STARD13: variants seen among roughly 807,000 people sequenced by gnomAD.
STARD13 encodes the protein StAR related lipid transfer domain containing 13, also known as stAR-related lipid transfer protein 13.
STARD13 carries 62 observed loss-of-function variants against 106.4 expected under a neutral mutation model. The observed-to-expected ratio is 0.58, with a 90% confidence interval of 0.48 to 0.72. The LOEUF is 0.72. Ranked by LOEUF, STARD13 falls within the 30% of genes least tolerant of loss-of-function variation. The pLI, the probability that STARD13 is intolerant of heterozygous loss-of-function variation, is 0.00. For synonymous variants in STARD13, 565 were observed against 553.0 expected (o/e 1.02, Z -0.31); for missense variants, 1,387 against 1,424.0 (o/e 0.97, Z 0.42).
chr13:33,399,007 G>T, the STARD13 span, among the ~76,000 whole-genome samples: 6 of 152,092 alleles, frequency 3.9e-5, no homozygotes, highest in Non-Finnish European at 7.4e-5. Flanking sequence ...CTGTCAACAG[G>T]TGAGTAAATA....
chr13:33,270,229 C>T (rs1025355181), intron 1 of STARD13, among the ~76,000 whole-genome samples: 18 of 152,028 alleles, frequency 1.2e-4, no homozygotes, highest in Admixed American at 3.9e-4. Context: ...GAGTGAGACT[C>T]GGCCTAAAAC....
chr13:33,181,430 TC>T (rs1192346197), intron 1 of STARD13, among the ~76,000 whole-genome samples: 1 of 152,220 alleles, frequency 6.6e-6, no homozygotes, highest in African/African-American at 2.4e-5. Flanking sequence ...CCAGATTGCA[TC>T]TTTACATCTC....
the STARD13 span, among the ~76,000 whole-genome samples, chr13:33,362,148 G>A: frequency 6.6e-6 from 1 of 152,116 alleles, no homozygotes; most frequent in Non-Finnish European, 1.5e-5. Flanking sequence ...TGTTCTGCAG[G>A]CTGTACAAGC....
At chr13:33,530,144 T>G in the STARD13 span, among the ~76,000 whole-genome samples, 11 of 152,068 alleles carry the variant, frequency 7.2e-5, no homozygotes, top group Non-Finnish European at 1.6e-4. Context: ...TGAATGCTTC[T>G]TCAACACCTT....
rs765490015 is a variant in STARD13, at chr13:33,106,936, T to C, written c.3048-2A>G. On this transcript the variant is annotated splice_acceptor_variant, in intron 12 of 13. Coordinates refer to ENST00000336934, the MANE Select transcript of STARD13 (RefSeq NM_178006.4). LOFTEE classifies it high-confidence loss of function. ...TTGGGCAAATCAGTTTTCCAGGTCC[T>C]GTAGCAAAACAATCCGCACATCAGA... 5 of 1,611,046 alleles carry C rather than the reference T, an allele frequency of 3.1e-6. No individual in the cohort carries two copies. Among genetic ancestry groups the C allele is most frequent in the South Asian group, 1.1e-5 (1 of 90,516 alleles).
chr13:33,236,312 C>G (rs1244746649), intron 1 of STARD13, among the ~76,000 whole-genome samples: 1 of 152,208 alleles, frequency 6.6e-6, no homozygotes, highest in Non-Finnish European at 1.5e-5. Flanking sequence ...TGGTAGCAAG[C>G]AGGACCCTCC....
At chr13:33,412,511 CTAAT>C in the STARD13 span, among the ~76,000 whole-genome samples, 1 of 152,058 alleles carries the variant, frequency 6.6e-6, no homozygotes, top group African/African-American at 2.4e-5. Context: ...TCTAAATATA[CTAAT>C]TAAAGACAAA....
intron 7 of STARD13, among the ~76,000 whole-genome samples, chr13:33,122,498 G>A (rs1437941728): frequency 6.6e-6 from 1 of 152,210 alleles, no homozygotes; most frequent in Non-Finnish European, 1.5e-5. Context: ...TTATGAACAA[G>A]TGATCCCACA....
chr13:33,569,495 C>G, the STARD13 span, among the ~76,000 whole-genome samples: 1 of 147,200 alleles, frequency 6.8e-6, no homozygotes, highest in Admixed American at 7.1e-5. Flanking sequence ...ATTGTGAGAT[C>G]AATCTTTAAG....
the STARD13 span, among the ~76,000 whole-genome samples, chr13:33,621,680 C>CAAA: frequency 6.1e-5 from 5 of 82,296 alleles, no homozygotes; most frequent in African/African-American, 1.9e-4. Flanking sequence ...ACTCAGTCTC[C>CAAA]AAAAAAAAAA....
At chr13:33,508,666 C>G in the STARD13 span, among the ~76,000 whole-genome samples, 1 of 152,192 alleles carries the variant, frequency 6.6e-6, no homozygotes. Context: ...CTGCCCCATT[C>G]CTGGGAAAAA....
chr13:33,251,427 A>G (rs1212768644), intron 1 of STARD13, among the ~76,000 whole-genome samples: 1 of 152,250 alleles, frequency 6.6e-6, no homozygotes, highest in East Asian at 1.9e-4. Flanking sequence ...ACAGTCTGCC[A>G]GGTTAGGATG....
chr13:33,235,598 C>G lies in STARD13; in HGVS notation c.169+49872G>C, dbSNP rs897298332. 8.5e-5 allele frequency among the ~76,000 whole-genome samples: 13 copies of G among 152,230 alleles called. 1 individual carries two copies. In the South Asian group the frequency reaches 2.3e-3, roughly 27 times the overall value. On this transcript the variant is annotated intron_variant, in intron 1 of 13. Coordinates refer to ENST00000336934, the MANE Select transcript of STARD13 (RefSeq NM_178006.4). ...TAATAAATGCAACTGTTAGGTATTT[C>G]TTTTGGCCTAGAAACAGAGTTACCA...
At chr13:33,472,496 T>C in the STARD13 span, among the ~76,000 whole-genome samples, 2 of 152,170 alleles carry the variant, frequency 1.3e-5, no homozygotes, top group African/African-American at 2.4e-5. Flanking sequence ...TAGAGAGCTC[T>C]ACCGACTAGG....
At chr13:33,490,366 G>A in the STARD13 span, among the ~76,000 whole-genome samples, 5 of 152,120 alleles carry the variant, frequency 3.3e-5, no homozygotes, top group Non-Finnish European at 7.4e-5. Flanking sequence ...TCCTGTTTTC[G>A]CGCTCCTCTT....
the STARD13 span, among the ~76,000 whole-genome samples, chr13:33,358,363 T>C: frequency 6.6e-6 from 1 of 152,194 alleles, no homozygotes; most frequent in East Asian, 1.9e-4. Context: ...CTGAGGAATG[T>C]AAGCGCACGG....
At chr13:33,438,728 C>CT in the STARD13 span, among the ~76,000 whole-genome samples, 1 of 152,150 alleles carries the variant, frequency 6.6e-6, no homozygotes, top group African/African-American at 2.4e-5. Context: ...ATGACTATAT[C>CT]CCAGAGATCC....
chr13:33,104,334 T>G lies in STARD13; in HGVS notation c.*1259A>C, dbSNP rs913190860. The G allele has an allele frequency of 2.8e-4, 43 of 152,500 alleles. No homozygotes were observed. Among genetic ancestry groups the G allele is most frequent in the African/African-American group, 9.6e-4 (40 of 41,466 alleles). 9.4% of individuals were successfully genotyped at this position (152,500 alleles called of 1,614,324 possible). A position where few individuals can be genotyped will look rare whatever the true frequency, so the allele number is the denominator to read the frequency against. ...GGTCAAATGCATAGGTAGCTTGGAC[T>G]GGCTAGTGAAGAAACACAGAAGAAT... is the stretch of plus-strand genomic sequence containing the variant. On this transcript the variant is annotated 3_prime_UTR_variant, in exon 14 of 14. Coordinates refer to ENST00000336934, the MANE Select transcript of STARD13 (RefSeq NM_178006.4).
chr13:33,304,725 C>T (rs1041464993), intron 1 of STARD13, among the ~76,000 whole-genome samples: 1 of 152,150 alleles, frequency 6.6e-6, no homozygotes, highest in Admixed American at 6.5e-5. Flanking sequence ...CGAGACATTG[C>T]CTTGCCCACA....
Sources: allele counts gnomAD v4.1 joint callset (sites outside exome capture counted in the v4.1 genomes callset), GRCh38; gene constraint gnomAD v4.1.1; transcripts MANE v1.5; gene names NCBI Gene and HGNC (gene_info 2026-07-23, HGNC 2026-07-21).